HS6ST3: variants seen among roughly 807,000 people sequenced by gnomAD.
The protein encoded by HS6ST3 is heparan sulfate 6-O-sulfotransferase 3.
HS6ST3 carries 12 observed loss-of-function variants against 36.7 expected under a neutral mutation model. The observed-to-expected ratio is 0.33, with a 90% confidence interval of 0.21 to 0.53. HS6ST3 has a LOEUF of 0.53. Ranked by LOEUF, HS6ST3 falls within the 20% of genes least tolerant of loss-of-function variation. The probability of loss-of-function intolerance (pLI) is 0.95; values close to 1 mark genes in which losing one functional copy is unlikely to be tolerated. For synonymous variants in HS6ST3, 240 were observed against 257.5 expected, an observed-to-expected ratio of 0.93 and a Z score of 0.65; for missense variants, 584 against 640.9, an observed-to-expected ratio of 0.91 and a Z score of 0.96.
At chr13:96,807,467 C>A (rs1234865312) in intron 1 of HS6ST3, among the ~76,000 whole-genome samples, 1 of 152,184 alleles carries the variant, frequency 6.6e-6, no homozygotes, top group Middle Eastern at 3.4e-3. Context: ...TGGACACAGA[C>A]AAGCACACAG....
intron 1 of HS6ST3, among the ~76,000 whole-genome samples, chr13:96,672,002 C>T (rs1446140465): frequency 6.6e-6 from 1 of 152,182 alleles, no homozygotes; most frequent in Non-Finnish European, 1.5e-5. Context: ...GCTCCACCAG[C>T]TCCATCTGCA....
chr13:96,582,987 T>A (rs2138970016), intron 1 of HS6ST3, among the ~76,000 whole-genome samples: 2 of 152,154 alleles, frequency 1.3e-5, no homozygotes, highest in South Asian at 4.1e-4. Flanking sequence ...TTAACTAGGA[T>A]TCTATGTTTT....
chr13:96,166,881 A>C (rs9590369), intron 1 of HS6ST3, among the ~76,000 whole-genome samples: 10,468 of 152,132 alleles, frequency 0.069, 462 homozygotes, highest in East Asian at 0.15. Flanking sequence ...TTCTCATGAT[A>C]GTGAGTGAGT....
At chr13:96,756,221 T>C (rs1416755140) in intron 1 of HS6ST3, among the ~76,000 whole-genome samples, 1 of 152,222 alleles carries the variant, frequency 6.6e-6, no homozygotes, top group Non-Finnish European at 1.5e-5. Context: ...TTCTTTTTTG[T>C]TAAGGATTTA....
At chr13:96,311,726 A>G (rs2054941875) in intron 1 of HS6ST3, among the ~76,000 whole-genome samples, 1 of 152,176 alleles carries the variant, frequency 6.6e-6, no homozygotes, top group African/African-American at 2.4e-5. Context: ...TGTTCGGAGT[A>G]ATTGATTCAG....
chr13:96,633,717 C>T (rs1417589760), intron 1 of HS6ST3, among the ~76,000 whole-genome samples: 3 of 152,140 alleles, frequency 2.0e-5, no homozygotes, highest in African/African-American at 7.2e-5. Flanking sequence ...TCACCACTCA[C>T]CTTAGATTCA....
intron 1 of HS6ST3, among the ~76,000 whole-genome samples, chr13:96,114,288 G>T (rs991501937): frequency 6.6e-6 from 1 of 151,914 alleles, no homozygotes; most frequent in Non-Finnish European, 1.5e-5. Context: ...AGTAGCTTGG[G>T]CTACAAGGTT....
intron 1 of HS6ST3, among the ~76,000 whole-genome samples, chr13:96,545,423 T>C (rs1339846384): frequency 6.6e-6 from 1 of 152,198 alleles, no homozygotes; most frequent in Non-Finnish European, 1.5e-5. Context: ...ACTATGCTTT[T>C]GAAAAACCTA....
At chr13:96,662,497 TTGTGTGTGTGTGTATGGGG>T (rs957205193) in intron 1 of HS6ST3, among the ~76,000 whole-genome samples, 1 of 124,680 alleles carries the variant, frequency 8.0e-6, no homozygotes, top group African/African-American at 3.1e-5. Context: ...CATATCATGT[TTGTGTGTGTGTGTATGGGG>T]TGTGTGTGTG....
At chr13:96,808,752 A>T (rs1878254376) in intron 1 of HS6ST3, among the ~76,000 whole-genome samples, 1 of 152,220 alleles carries the variant, frequency 6.6e-6, no homozygotes, top group African/African-American at 2.4e-5. Flanking sequence ...GTAGGTTCTG[A>T]AAAAGAGATG....
At chr13:96,628,552 T>A (rs1016156495) in intron 1 of HS6ST3, among the ~76,000 whole-genome samples, 1 of 152,100 alleles carries the variant, frequency 6.6e-6, no homozygotes, top group Non-Finnish European at 1.5e-5. Flanking sequence ...TTGCTCAGTC[T>A]ATCAATTTTT....
intron 1 of HS6ST3, among the ~76,000 whole-genome samples, chr13:96,258,655 C>T (rs182004365): frequency 3.3e-5 from 5 of 152,272 alleles, no homozygotes; most frequent in Admixed American, 1.3e-4. Flanking sequence ...GTTTCTTGGT[C>T]ATACAGATCA....
At chr13:96,629,843 C>G (rs1158995685) in intron 1 of HS6ST3, among the ~76,000 whole-genome samples, 1 of 150,500 alleles carries the variant, frequency 6.6e-6, no homozygotes, top group Non-Finnish European at 1.5e-5. Flanking sequence ...TTTTTTTTTC[C>G]TACCAATTTT....
At chr13:96,812,796 C>T (rs75468959) in intron 1 of HS6ST3, among the ~76,000 whole-genome samples, 5,785 of 152,166 alleles carry the variant, frequency 0.038, 360 homozygotes, top group African/African-American at 0.13. Flanking sequence ...CACACACACA[C>T]ACCCCTTAGG....
intron 1 of HS6ST3, among the ~76,000 whole-genome samples, chr13:96,244,858 A>C (rs1328480227): frequency 6.6e-6 from 1 of 152,164 alleles, no homozygotes; most frequent in Non-Finnish European, 1.5e-5. Flanking sequence ...AGTTTTCCTC[A>C]AGGGAAATTT....
At chr13:96,620,840 A>G in intron 1 of HS6ST3, among the ~76,000 whole-genome samples, 1 of 151,774 alleles carries the variant, frequency 6.6e-6, no homozygotes, top group East Asian at 1.9e-4. Flanking sequence ...TCAGCAATTA[A>G]TTTTTTTTTA....
At chr13:96,197,234 T>C (rs916914596) in intron 1 of HS6ST3, among the ~76,000 whole-genome samples, 2 of 152,074 alleles carry the variant, frequency 1.3e-5, no homozygotes, top group African/African-American at 2.4e-5. Context: ...TGGGGAGGCC[T>C]CAGAATCATA....
At chr13:96,795,673 T>G (rs1566455715) in intron 1 of HS6ST3, among the ~76,000 whole-genome samples, 1 of 152,140 alleles carries the variant, frequency 6.6e-6, no homozygotes, top group Non-Finnish European at 1.5e-5. Flanking sequence ...ATTTCCAACT[T>G]TTTGCAAATT....
At chr13:96,580,079 A>G (rs780987034) in intron 1 of HS6ST3, among the ~76,000 whole-genome samples, 3 of 151,890 alleles carry the variant, frequency 2.0e-5, no homozygotes, top group Non-Finnish European at 4.4e-5. Context: ...GTATCCTTAT[A>G]TAAATATTTT....
Sources: allele counts gnomAD v4.1 joint callset (sites outside exome capture counted in the v4.1 genomes callset), GRCh38; gene constraint gnomAD v4.1.1; transcripts MANE v1.5; gene names NCBI Gene and HGNC (gene_info 2026-07-23, HGNC 2026-07-21).